LEF1: variants seen among roughly 807,000 people sequenced by gnomAD.
LEF1 encodes lymphoid enhancer binding factor 1, also known as lymphoid enhancer-binding factor 1.
LEF1 carries 14 observed loss-of-function variants against 51.2 expected under a neutral mutation model. That is an observed-to-expected ratio of 0.27 (90% CI 0.18 to 0.43). The LOEUF is 0.43. LEF1 is among the 20% of genes least tolerant of loss of function. The pLI is 1.00. For missense variants in LEF1, 386 were observed against 512.0 expected (o/e 0.75, Z 2.37); for synonymous variants, 185 against 183.2 (o/e 1.01, Z -0.08).
chr4:108,131,833 C>T (rs895934617), intron 3 of LEF1, among the ~76,000 whole-genome samples: 1 of 151,978 alleles, frequency 6.6e-6, no homozygotes. Flanking sequence ...AACTAAGGTG[C>T]GTTGTATAGG....
chr4:108,137,410 A>T (rs1246097180), intron 3 of LEF1, among the ~76,000 whole-genome samples: 1 of 152,264 alleles, frequency 6.6e-6, no homozygotes, highest in African/African-American at 2.4e-5. Flanking sequence ...CAGAAAGTCC[A>T]AGTAATATTT....
chr4:108,048,058 A>G lies in LEF1; in HGVS notation c.*700T>C, dbSNP rs1266861393. The G allele has an allele frequency of 6.6e-6, 1 of 152,636 alleles. No individual in the cohort carries two copies. The highest frequency in any genetic ancestry group is 1.5e-5 in the Non-Finnish European group (1 of 68,042). 9.5% of individuals were successfully genotyped at this position (152,636 alleles called of 1,614,324 possible). A position where few individuals can be genotyped will look rare whatever the true frequency, so the allele number is the denominator to read the frequency against. Reference sequence around the variant, plus strand: ...CACTTACCAGACAAGCTGTCTCAGAAAAAGAAGGCTTCTTTTTATGTCATT... The same window carrying G: ...CACTTACCAGACAAGCTGTCTCAGAGAAAGAAGGCTTCTTTTTATGTCATT... On this transcript the variant is annotated 3_prime_UTR_variant, in exon 12 of 12. Coordinates refer to ENST00000265165, the MANE Select transcript of LEF1 (RefSeq NM_016269.5).
intron 3 of LEF1, among the ~76,000 whole-genome samples, chr4:108,090,126 G>GCCA (rs1329571678): frequency 2.6e-5 from 4 of 151,888 alleles, no homozygotes; most frequent in Non-Finnish European, 5.9e-5. Context: ...ACAGGCACCC[G>GCCA]CCACCACATT....
intron 3 of LEF1, among the ~76,000 whole-genome samples, chr4:108,103,883 T>C (rs1267144679): frequency 6.6e-6 from 1 of 152,172 alleles, no homozygotes; most frequent in Non-Finnish European, 1.5e-5. Context: ...CTCAAAAAGG[T>C]AAACATAGAA....
At chr4:108,165,267 TA>T (rs1745314427) in intron 1 of LEF1, 104 bp from the exon 2 acceptor site, 16 of 1,015,322 alleles carry the variant, frequency 1.6e-5, no homozygotes, top group Non-Finnish European at 2.4e-5. Context: ...GGAAGAGGTT[TA>T]GGGGCAACTC....
intron 3 of LEF1, among the ~76,000 whole-genome samples, chr4:108,144,631 TA>T (rs1375560109): frequency 1.3e-5 from 2 of 151,780 alleles, no homozygotes; most frequent in Admixed American, 1.3e-4. Flanking sequence ...ACATCTAATC[TA>T]GAGAGAAGGA....
chr4:108,048,665 T>C lies in LEF1; in HGVS notation c.*93A>G. On this transcript the variant is annotated 3_prime_UTR_variant, in exon 12 of 12. Transcript: ENST00000265165. ...GACTGGGCAGGCCGTGGAGACAGTC[T>C]GGGTTTTCAACAAGCTTCCATCTCC... 1 of 1,591,506 alleles carries C rather than the reference T, an allele frequency of 6.3e-7. No homozygotes were observed. The highest frequency in any genetic ancestry group is 8.6e-7 in the Non-Finnish European group (1 of 1,167,480).
chr4:108,053,075 C>T (rs2126254525), intron 11 of LEF1, among the ~76,000 whole-genome samples: 1 of 152,292 alleles, frequency 6.6e-6, no homozygotes, highest in Middle Eastern at 3.4e-3. Flanking sequence ...TTCTCTCCTT[C>T]CTACCTTCCA....
At chr4:108,131,513 T>C (rs150717013) in intron 3 of LEF1, among the ~76,000 whole-genome samples, 1 of 152,216 alleles carries the variant, frequency 6.6e-6, no homozygotes, top group African/African-American at 2.4e-5. Context: ...TAATTTTGGC[T>C]GAAAGACATT....
intron 3 of LEF1, among the ~76,000 whole-genome samples, chr4:108,093,723 A>G (rs1740200407): frequency 6.6e-6 from 1 of 152,172 alleles, no homozygotes; most frequent in African/African-American, 2.4e-5. Flanking sequence ...TTGGTGGGTG[A>G]GCAAAGGAAA....
At chr4:108,090,147 T>G (rs1454961470) in intron 3 of LEF1, among the ~76,000 whole-genome samples, 1 of 152,070 alleles carries the variant, frequency 6.6e-6, no homozygotes, top group Admixed American at 6.6e-5. Flanking sequence ...CAGCTAATTT[T>G]TTTTGTATTT....
intron 11 of LEF1, among the ~76,000 whole-genome samples, chr4:108,060,132 G>A (rs947554694): frequency 6.6e-6 from 1 of 152,144 alleles, no homozygotes; most frequent in Non-Finnish European, 1.5e-5. Flanking sequence ...AATATCCCAG[G>A]ACACAAGGTA....
intron 1 of LEF1, chr4:108,166,746 C>T (rs1379194431): frequency 4.0e-6 from 4 of 988,640 alleles, no homozygotes; most frequent in Non-Finnish European, 4.8e-6. Flanking sequence ...GCTTCTCCGC[C>T]TTTCTTCTGC....
At chr4:108,066,047 C>T (rs571833109) in intron 9 of LEF1, among the ~76,000 whole-genome samples, 5 of 152,244 alleles carry the variant, frequency 3.3e-5, no homozygotes, top group Non-Finnish European at 5.9e-5. Flanking sequence ...GGATTATAGG[C>T]GCATGCTACC....
intron 3 of LEF1, among the ~76,000 whole-genome samples, chr4:108,121,688 C>T (rs1742189794): frequency 6.6e-6 from 1 of 152,196 alleles, no homozygotes; most frequent in Non-Finnish European, 1.5e-5. Flanking sequence ...CAAAGGACTG[C>T]TAGCAGCAAA....
Position 108,165,088 on chromosome 4 carries a change from G to C in LEF1, c.280+9C>G. 1 of 1,613,130 alleles carries C rather than the reference G, an allele frequency of 6.2e-7. No homozygotes were observed. Among genetic ancestry groups the C allele is most frequent in the Non-Finnish European group, 8.5e-7 (1 of 1,179,122 alleles). ...GCTAAAGTCAGAAGAAGTAGAATGG[G>C]TGTCTTACCGTCATCGGGGTGTTCT... On this transcript the variant is annotated intron_variant, in intron 2 of 11. Transcript: ENST00000265165.
Position 108,070,643 on chromosome 4 carries a change from G to T in LEF1, c.1116+20C>A. The T allele has an allele frequency of 6.7e-7, 1 of 1,491,930 alleles. No individual in the cohort carries two copies. The highest frequency in any genetic ancestry group is 9.4e-7 in the Non-Finnish European group (1 of 1,068,964). The allele number at this position is 1,491,930 out of a possible 1,614,324, so 92.4% of individuals were successfully genotyped here. On this transcript the variant is annotated intron_variant, in intron 9 of 11. Transcript: ENST00000265165. ...GAATGAGTGAGAGTGGAGAGCCACTGGTATGGAGGAGGGGCTTACATAATT... is the reference window on the plus strand; with the variant it reads ...GAATGAGTGAGAGTGGAGAGCCACTTGTATGGAGGAGGGGCTTACATAATT...
At chr4:108,087,931 A>G (rs4547871) in intron 4 of LEF1, among the ~76,000 whole-genome samples, 127,147 of 152,082 alleles carry the variant, frequency 0.84, 54,283 homozygotes, top group East Asian at 0.96. Context: ...CTGACTCTTG[A>G]ACATTCCTAA....
chr4:108,084,387 G>A (rs1739507019), intron 4 of LEF1, among the ~76,000 whole-genome samples: 1 of 152,218 alleles, frequency 6.6e-6, no homozygotes, highest in Non-Finnish European at 1.5e-5. Flanking sequence ...TTAACACCCA[G>A]ATTATACGTT....
Sources: allele counts gnomAD v4.1 joint callset (sites outside exome capture counted in the v4.1 genomes callset), GRCh38; gene constraint gnomAD v4.1.1; transcripts MANE v1.5; gene names NCBI Gene and HGNC (gene_info 2026-07-23, HGNC 2026-07-21).